The following MYADML2 variants were observed in gnomAD, a reference collection of about 807,000 sequenced individuals.
MYADML2 encodes myeloid-associated differentiation marker-like protein 2.
Under a neutral mutation model 16.0 loss-of-function variants are expected in MYADML2, and 17 were observed. The ratio of observed to expected loss-of-function variants is 1.06; its 90% CI spans 0.73 to 1.60. The LOEUF is 1.60. Ranked by LOEUF, MYADML2 falls within the 40% of genes most tolerant of loss-of-function variation. MYADML2 has a pLI of 0.00. For synonymous variants in MYADML2, 210 were observed against 208.1 expected, an observed-to-expected ratio of 1.01 and a Z score of -0.08; for missense variants, 422 against 437.7, an observed-to-expected ratio of 0.96 and a Z score of 0.32.
chr17:81,940,819 T>C lies in MYADML2; in HGVS notation c.923A>G (p.Ter308TrpextTer24). 1 of 1,497,840 alleles carries C rather than the reference T, an allele frequency of 6.7e-7. No homozygotes were observed. The highest frequency in any genetic ancestry group is 9.0e-7 in the Non-Finnish European group (1 of 1,116,440). 92.8% of individuals were successfully genotyped at this position (1,497,840 alleles called of 1,614,324 possible). A position where few individuals can be genotyped will look rare whatever the true frequency, so the allele number is the denominator to read the frequency against. The change falls in exon 3 of 3, where the codon TAG becomes TGG. Residue 308 changes from the stop codon to tryptophan (W), a stop_lost. Transcript: ENST00000409745. ...SQRIRFVPSL[*>W] Reference sequence around the variant, plus strand: ...AGGTGGGTGGGCTGCCACTGTGGGCTACAGGCTGGGCACGAAGCGAATCCT... The same window carrying C: ...AGGTGGGTGGGCTGCCACTGTGGGCCACAGGCTGGGCACGAAGCGAATCCT...
Position 81,942,758 on chromosome 17 carries a change from G to A in MYADML2, c.-180-385C>T, listed in dbSNP as rs2041316129. On this transcript the variant is annotated intron_variant, in intron 1 of 2. Transcript: ENST00000409745. The surrounding 1 kb of genome is among the most constrained non-coding windows in gnomAD (Gnocchi z 4.4). ...AATAGAGACCGGGTTTCACCATGTT[G>A]GCCAGGCTGGTCTTGATCTCTTGAC... Among the ~76,000 whole-genome samples the A allele has an allele frequency of 6.6e-6, 1 of 151,846 alleles. No individual in the cohort carries two copies.
chr17:81,945,029 G>A (rs2041332858), intron 1 of MYADML2, among the ~76,000 whole-genome samples: 1 of 152,200 alleles, frequency 6.6e-6, no homozygotes, highest in South Asian at 2.1e-4. Flanking sequence ...GCTTTGGGAG[G>A]CTGAGGCAGG....
rs1157820754 is a variant in MYADML2 at position 81,940,925 on chromosome 17, G to A, written c.817C>T (p.Pro273Ser). 14 of 1,549,178 alleles carry A rather than the reference G, an allele frequency of 9.0e-6. No individual in the cohort carries two copies. Among genetic ancestry groups the A allele is most frequent in the Non-Finnish European group, 1.2e-5 (14 of 1,145,956 alleles). ...RPPNCARGSC[P>S]WDSQLVVAIF... ...GCCACCACCAGCTGGCTGTCCCAGG[G>A]ACAGCTGCCCCGAGCACAGTTGGGG... Residue 273 changes from proline (P) to serine (S), a missense_variant, in exon 3 of 3, where the codon CCC (proline) becomes TCC (serine). Pro to Ser is a moderately conservative substitution (Grantham distance 74). Coordinates refer to ENST00000409745, the MANE Select transcript of MYADML2 (RefSeq NM_001145113.3).
At position 81,941,391 on chromosome 17, in the gene MYADML2, G is replaced by A. The variant is rs560730738; in HGVS notation, c.351C>T (p.Pro117=). Reference sequence around the variant, plus strand: ...CCCTGGCAGCACAGCCGGCGGGCTCGGGGGAACACTCCCGCCGGGCAAAGT... The same window carrying A: ...CCCTGGCAGCACAGCCGGCGGGCTCAGGGGAACACTCCCGCCGGGCAAAGT... ...PLYFARRECS[P]EPAGCAARDF... The change falls in exon 3 of 3, where the codon CCC becomes CCT. Residue 117 remains proline (P), a synonymous_variant. Coordinates refer to ENST00000409745, the MANE Select transcript of MYADML2 (RefSeq NM_001145113.3). 1.4e-4 allele frequency: 212 copies of A among 1,548,896 alleles called. 1 individual carries two copies. In the East Asian group the frequency reaches 4.2e-3, roughly 31 times the overall value.
Position 81,941,556 on chromosome 17 carries a change from G to A in MYADML2, c.186C>T (p.Phe62=), listed in dbSNP as rs111706382. 23,402 of 1,548,232 alleles carry A rather than the reference G, an allele frequency of 0.015. 222 individuals carry two copies. The highest frequency in any genetic ancestry group is 0.017 in the Non-Finnish European group (19,191 of 1,146,772). ...AGGCCACCACCAGCGCAGAGACGGC[G>A]AAGCAGAAGCCCCAGGCGGCCATGC... ...TFCMAAWGFC[F]AVSALVVACE... is the part of the protein sequence containing the mutation. The change falls in exon 3 of 3, where the codon TTC becomes TTT. Residue 62 remains phenylalanine (F), a synonymous_variant. Transcript: ENST00000409745.
At chr17:81,946,454 C>T (rs1337340232) in intron 1 of MYADML2, among the ~76,000 whole-genome samples, 1 of 151,394 alleles carries the variant, frequency 6.6e-6, no homozygotes, top group Non-Finnish European at 1.5e-5. Context: ...CGAGACCATC[C>T]TGGCCAACGT....
Position 81,941,351 on chromosome 17 carries a change from C to T in MYADML2, c.391G>A (p.Ala131Thr). Residue 131 changes from alanine to threonine, a missense_variant, in exon 3 of 3, where the codon GCC becomes ACC. Ala to Thr is a moderately conservative substitution (Grantham distance 58, BLOSUM62 0). Coordinates refer to ENST00000409745, the MANE Select transcript of MYADML2 (RefSeq NM_001145113.3). ...AAGAGGAGCCCGGCGAAGACACTGGCTGCCAGGCGGAAGTCCCTGGCAGCA... is the reference window on the plus strand; with the variant it reads ...AAGAGGAGCCCGGCGAAGACACTGGTTGCCAGGCGGAAGTCCCTGGCAGCA... ...GCAARDFRLA[A>T]SVFAGLLFLA... is the part of the protein sequence containing the mutation. 6.5e-7 allele frequency: 1 copy of T among 1,548,868 alleles called. No homozygotes were observed. Among genetic ancestry groups the T allele is most frequent in the Non-Finnish European group, 8.7e-7 (1 of 1,146,262 alleles).
intron 1 of MYADML2, among the ~76,000 whole-genome samples, chr17:81,946,627 A>G (rs1026144526): frequency 1.4e-4 from 22 of 151,924 alleles, no homozygotes; most frequent in African/African-American, 3.9e-4. Flanking sequence ...CAGCCTGGGC[A>G]ACAGAGCAAG....
rs748338882 is a variant in MYADML2, at chr17:81,940,961, G to T, written c.781C>A (p.Pro261Thr). ...CGAGCACAGTTGGGGGGCCGTTTGG[G>T]CTCACCGTACTTGGGATCGAAACAG... is the stretch of plus-strand genomic sequence containing the variant. ...VFCFDPKYGE[P>T]KRPPNCARGS... The change falls in exon 3 of 3, where the codon CCC becomes ACC. Residue 261 changes from proline (P) to threonine (T), a missense_variant. By Grantham distance (38) the Pro-to-Thr change is conservative. Transcript: ENST00000409745. The T allele has an allele frequency of 9.0e-6, 14 of 1,550,678 alleles. No individual in the cohort carries two copies. The highest frequency in any genetic ancestry group is 1.2e-5 in the Non-Finnish European group (14 of 1,146,968).
chr17:81,945,139 G>A (rs997705151), intron 1 of MYADML2, among the ~76,000 whole-genome samples: 4 of 151,878 alleles, frequency 2.6e-5, no homozygotes, highest in Non-Finnish European at 4.4e-5. Flanking sequence ...AGTAGGTCAC[G>A]CCTGTCATCT....
chr17:81,941,901 T>G (rs2041308241), intron 2 of MYADML2, 58 bp from the exon 3 acceptor site: 1 of 678,666 alleles, frequency 1.5e-6, no homozygotes, highest in Non-Finnish European at 2.4e-6. Flanking sequence ...GCTGTCTATG[T>G]GAGGCGGCTC....
In MYADML2 at chr17:81,942,060, A is replaced by C. The variant is rs1598362697; in HGVS notation, c.-102-217T>G. On this transcript the variant is annotated intron_variant, in intron 2 of 2. Transcript: ENST00000409745. The surrounding 1 kb of genome is among the most constrained non-coding windows in gnomAD (Gnocchi z 4.4). ...CCCATTGGCTGCTGGCACCACCCCCACCTCCGCCTCCCGCGCACCTGCATC... is the reference window on the plus strand; with the variant it reads ...CCCATTGGCTGCTGGCACCACCCCCCCCTCCGCCTCCCGCGCACCTGCATC... The C allele has an allele frequency of 2.2e-5, 6 of 278,748 alleles. No homozygotes were observed. Among genetic ancestry groups the C allele is most frequent in the South Asian group, 1.4e-4 (1 of 7,256 alleles). 17.3% of individuals were successfully genotyped at this position (278,748 alleles called of 1,614,324 possible). A position where few individuals can be genotyped will look rare whatever the true frequency, so the allele number is the denominator to read the frequency against.
rs536057582 is a variant in MYADML2, at chr17:81,941,241, G to T, written c.501C>A (p.Leu167=). 6.5e-7 allele frequency: 1 copy of T among 1,550,146 alleles called. No individual in the cohort carries two copies. Among genetic ancestry groups the T allele is most frequent in the African/African-American group, 1.4e-5 (1 of 73,170 alleles). ...SSYMATVSGL[L]KIVQAFVACI... The stretch of plus-strand genomic sequence containing the variant: ...AGGCCACGAAGGCCTGGACGATCTT[G>T]AGGAGCCCCGACACCGTGGCCATAT... Residue 167 remains leucine (L), a synonymous_variant, in exon 3 of 3, where the codon CTC becomes CTA. Transcript: ENST00000409745.
Position 81,940,888 on chromosome 17 carries a change from T to C in MYADML2, c.854A>G (p.Tyr285Cys), listed in dbSNP as rs1242172698. 6.5e-7 allele frequency: 1 copy of C among 1,546,652 alleles called. No homozygotes were observed. Among genetic ancestry groups the C allele is most frequent in the South Asian group, 1.2e-5 (1 of 83,938 alleles). Residue 285 changes from tyrosine to cysteine, a missense_variant, in exon 3 of 3, where the codon TAC becomes TGC. Tyr to Cys is a radical substitution (Grantham distance 194). Transcript: ENST00000409745. ...DSQLVVAIFTYVNLLLYVVDL... is the reference protein window; with the variant it reads ...DSQLVVAIFTCVNLLLYVVDL... Reference sequence around the variant, plus strand: ...AACGACGTACAGGAGCAGGTTGACGTAGGTGAAGATGGCCACCACCAGCTG... The same window carrying C: ...AACGACGTACAGGAGCAGGTTGACGCAGGTGAAGATGGCCACCACCAGCTG...
At chr17:81,944,865 G>A (rs1409343983) in intron 1 of MYADML2, among the ~76,000 whole-genome samples, 1 of 152,234 alleles carries the variant, frequency 6.6e-6, no homozygotes, top group Non-Finnish European at 1.5e-5. Flanking sequence ...TTTCCAGGTG[G>A]CGGAATGCTT....
At chr17:81,945,388 A>C (rs1443394194) in intron 1 of MYADML2, among the ~76,000 whole-genome samples, 1 of 151,896 alleles carries the variant, frequency 6.6e-6, no homozygotes, top group Non-Finnish European at 1.5e-5. Context: ...AAATACAAAA[A>C]ATTATCCAGG....
chr17:81,940,260 G>C lies in MYADML2; in HGVS notation c.*558C>G, dbSNP rs2041290846. The C allele has an allele frequency of 6.6e-6, 1 of 152,550 alleles. No homozygotes were observed. The highest frequency in any genetic ancestry group is 1.5e-5 in the Non-Finnish European group (1 of 68,320). 9.4% of individuals were successfully genotyped at this position (152,550 alleles called of 1,614,324 possible). A position where few individuals can be genotyped will look rare whatever the true frequency, so the allele number is the denominator to read the frequency against. ...TCCCCAGGCAGGGCTCTCTTCCCAG[G>C]GTTCTGGGAGCTGCCTCTCTGAACC... On this transcript the variant is annotated 3_prime_UTR_variant, in exon 3 of 3. Transcript: ENST00000409745.
Position 81,941,221 on chromosome 17 carries a change from A to C in MYADML2, c.521T>G (p.Val174Gly). 4 of 1,550,160 alleles carry C rather than the reference A, an allele frequency of 2.6e-6. No homozygotes were observed. The highest frequency in any genetic ancestry group is 3.5e-6 in the Non-Finnish European group (4 of 1,146,926). The change falls in exon 3 of 3, where the codon GTG (valine) becomes GGG (glycine). Residue 174 changes from valine (V) to glycine (G), a missense_variant. Transcript: ENST00000409745. ...CAGCGCCCCGAAGATGATGCAGGCC[A>C]CGAAGGCCTGGACGATCTTGAGGAG... The part of the protein sequence containing the change: ...SGLLKIVQAF[V>G]ACIIFGALVH...
intron 1 of MYADML2, among the ~76,000 whole-genome samples, chr17:81,946,776 A>C (rs1366925641): frequency 1.3e-5 from 2 of 152,162 alleles, no homozygotes; most frequent in African/African-American, 4.8e-5. Context: ...GTTTGAGACC[A>C]GCCTGACCAA....
Sources: gnomAD v4.1 joint callset for allele counts (sites outside exome capture counted in the v4.1 genomes callset) on GRCh38, gnomAD v4.1.1 for gene constraint, Gnocchi (gnomAD v3.1) non-coding constraint, MANE v1.5 for transcripts, NCBI Gene and HGNC (gene_info 2026-07-23, HGNC 2026-07-21) for gene names.